Variants in UMODL1 observed in about 807,000 individuals in gnomAD.
The protein encoded by UMODL1 is uromodulin-like 1.
A neutral mutation model predicts 136.3 loss-of-function variants in UMODL1; 128 were observed. The observed-to-expected ratio is 0.94, with a 90% CI of 0.81 to 1.09. The LOEUF is 1.09. Ranked by LOEUF, UMODL1 falls within the 50% of genes least tolerant of loss-of-function variation. The pLI, the probability that UMODL1 is intolerant of heterozygous loss-of-function variation, is 0.00. For synonymous variants in UMODL1, 721 were observed against 720.0 expected (o/e 1.00, Z -0.02); for missense variants, 1,766 against 1,725.6 (o/e 1.02, Z -0.41).
Position 42,099,391 on chromosome 21 carries a change from C to G in UMODL1, c.1186+211C>G, listed in dbSNP as rs1221983208. Among the ~76,000 whole-genome samples, 1 of 152,316 alleles carries G rather than the reference C, an allele frequency of 6.6e-6. No individual in the cohort carries two copies. The highest frequency in any genetic ancestry group is 1.9e-4 in the East Asian group (1 of 5,190). ...TGCCTTCACTGGCTCCCTCGCTTCC[C>G]TACATGTCGTCCTGTTAGGGGTTCG... On this transcript the variant is annotated intron_variant, in intron 7 of 22. Transcript: ENST00000408910. The surrounding 1 kb of genome is among the most constrained non-coding windows in gnomAD (Gnocchi z 4.1).
rs372342510 is a variant in UMODL1 at position 42,090,445 on chromosome 21, G to A, written c.931+7G>A. 12 of 1,613,562 alleles carry A rather than the reference G, an allele frequency of 7.4e-6. No individual in the cohort carries two copies. Among genetic ancestry groups the A allele is most frequent in the Non-Finnish European group, 1.0e-5 (12 of 1,179,848 alleles). ...CTGAACCTGGAGTGGGAAGGTAATG[G>A]CTAGGCTCTCTCAGATGGCATGGGA... On this transcript the variant is annotated splice_region_variant and intron_variant, in intron 6 of 22. Coordinates refer to ENST00000408910, the MANE Select transcript of UMODL1 (RefSeq NM_001004416.3).
Position 42,085,173 on chromosome 21 carries a change from G to A in UMODL1, c.482-118G>A. 1 of 1,315,032 alleles carries A rather than the reference G, an allele frequency of 7.6e-7. No homozygotes were observed. The highest frequency in any genetic ancestry group is 1.0e-6 in the Non-Finnish European group (1 of 961,108). The allele number at this position is 1,315,032 out of a possible 1,614,324, so 81.5% of individuals were successfully genotyped here. A position where few individuals can be genotyped will look rare whatever the true frequency, so the allele number is the denominator to read the frequency against. On this transcript the variant is annotated intron_variant, in intron 3 of 22. Coordinates refer to ENST00000408910, the MANE Select transcript of UMODL1 (RefSeq NM_001004416.3). The surrounding 1 kb of genome is among the most constrained non-coding windows in gnomAD (Gnocchi z 4.5). ...GATGTCTTTTTGCAGGGAGGTAAAT[G>A]CAGAGCAGGGCCTCTCATGGCCTCT...
intron 11 of UMODL1, 179 bp from the exon 12 acceptor site, chr21:42,111,312 ACTCCAGCCAGGGGAG>A: frequency 2.9e-6 from 4 of 1,372,258 alleles, no homozygotes; most frequent in Non-Finnish European, 3.9e-6. Flanking sequence ...AGCCACGCGA[ACTCCAGCCAGGGGAG>A]CCCCAGCCAG....
rs1252772033 is a variant in UMODL1, at chr21:42,102,149, T to C, written c.1187-17T>C. On this transcript the variant is annotated splice_polypyrimidine_tract_variant and intron_variant, in intron 7 of 22. Transcript: ENST00000408910. ...GACTTTTGACCACAGGCTAATTTGT[T>C]TCACTGTCTGTCTCAGATGCCCAGG... The C allele has an allele frequency of 1.3e-6, 2 of 1,590,154 alleles. No individual in the cohort carries two copies. Among genetic ancestry groups the C allele is most frequent in the Non-Finnish European group, 8.6e-7 (1 of 1,160,446 alleles).
chr21:42,083,637 A>G (rs1042244307), intron 2 of UMODL1, among the ~76,000 whole-genome samples: 1 of 152,182 alleles, frequency 6.6e-6, no homozygotes, highest in South Asian at 2.1e-4. Flanking sequence ...ATCTCCTTGC[A>G]CTATTGTTCC....
chr21:42,127,298 A>T, intron 19 of UMODL1, 56 bp downstream of exon 19: 1 of 1,484,298 alleles, frequency 6.7e-7, no homozygotes, highest in Middle Eastern at 2.1e-4. Flanking sequence ...CTTTATTAAC[A>T]ATAGGTAGGG....
chr21:42,079,290 C>A (rs1176107402), intron 2 of UMODL1, among the ~76,000 whole-genome samples: 4 of 152,238 alleles, frequency 2.6e-5, no homozygotes, highest in Non-Finnish European at 5.9e-5. Context: ...CTCTCCCCAC[C>A]ACCTGCCCTG....
At chr21:42,111,241 C>T in intron 11 of UMODL1, 120 bp downstream of exon 11, 2 of 1,527,470 alleles carry the variant, frequency 1.3e-6, no homozygotes, top group Non-Finnish European at 1.8e-6. Flanking sequence ...AGGCGAGCCC[C>T]AGCCAGAGGA....
At chr21:42,077,468 A>G (rs1239798594) in intron 2 of UMODL1, among the ~76,000 whole-genome samples, 1 of 144,476 alleles carries the variant, frequency 6.9e-6, no homozygotes, top group African/African-American at 2.6e-5. Context: ...AGTTAAAACA[A>G]TTTTACAGAA....
At position 42,121,188 on chromosome 21, in the gene UMODL1, G is replaced by A. The variant is rs1317135000; in HGVS notation, c.2791G>A (p.Asp931Asn). The change falls in exon 16 of 23, where the codon GAC becomes AAC. Residue 931 changes from aspartate to asparagine, a missense_variant. Physicochemically the swap from Asp to Asn is conservative, Grantham distance 23. Transcript: ENST00000408910. ...TTGTAGCTGCGAGGGAGGAGCCCCC[G>A]ACTTCCCTGTGGAATATTCTGAGAG... The part of the protein sequence containing the change: ...FTCSCEGGAP[D>N]FPVEYSERPC... The A allele has an allele frequency of 6.2e-6, 10 of 1,613,874 alleles. No homozygotes were observed. The highest frequency in any genetic ancestry group is 3.3e-4 in the Middle Eastern group (2 of 6,072).
intron 15 of UMODL1, 139 bp downstream of exon 15, chr21:42,119,463 A>G (rs1182785342): frequency 1.4e-5 from 10 of 736,550 alleles, no homozygotes; most frequent in Non-Finnish European, 9.2e-6. Flanking sequence ...TGAAGATGTG[A>G]AATAGATAGG....
chr21:42,113,643 GGATCTTGCTAT>G lies in UMODL1; in HGVS notation c.2177_2187del (p.Asp726GlyfsTer39), dbSNP rs2066865917. ...CCGGCTTCCACCTGGCATGGGAGGC[GGATCTTGCTAT>G]GGACTCCACCTTCCAGCTCACTCTG... is the stretch of plus-strand genomic sequence containing the variant. On this transcript the variant is annotated frameshift_variant, in exon 13 of 23. Coordinates refer to ENST00000408910, the MANE Select transcript of UMODL1 (RefSeq NM_001004416.3). LOFTEE classifies it high-confidence loss of function. 6.2e-7 allele frequency: 1 copy of G among 1,613,934 alleles called. No homozygotes were observed. The highest frequency in any genetic ancestry group is 8.5e-7 in the Non-Finnish European group (1 of 1,180,030).
At chr21:42,138,410 C>T (rs575292450) in intron 22 of UMODL1, among the ~76,000 whole-genome samples, 4 of 152,200 alleles carry the variant, frequency 2.6e-5, no homozygotes, top group African/African-American at 7.2e-5. Context: ...TTATGTATGA[C>T]CTTTTGAGGC....
At chr21:42,083,977 C>T in intron 2 of UMODL1, 107 bp from the exon 3 acceptor site, 5 of 1,397,826 alleles carry the variant, frequency 3.6e-6, no homozygotes, top group Non-Finnish European at 4.9e-6. Flanking sequence ...AGGCCACAGA[C>T]CTACAGGCAG....
intron 21 of UMODL1, among the ~76,000 whole-genome samples, chr21:42,130,614 T>TATGA (rs1555933514): frequency 6.6e-6 from 1 of 151,604 alleles, no homozygotes. Flanking sequence ...AGTGTGGCCA[T>TATGA]GTAAGTTCTG....
chr21:42,110,796 C>T, intron 10 of UMODL1, 84 bp from the exon 11 acceptor site: 1 of 1,339,374 alleles, frequency 7.5e-7, no homozygotes. Context: ...AGCAGTCCTG[C>T]TGGACGGCCA....
At chr21:42,135,896 C>A (rs1204502582) in intron 21 of UMODL1, among the ~76,000 whole-genome samples, 4 of 152,160 alleles carry the variant, frequency 2.6e-5, no homozygotes, top group Non-Finnish European at 5.9e-5. Context: ...GGACACACAG[C>A]AGCGTCCACT....
chr21:42,095,087 C>CTTTTTTTTTTTTTTTTTTTT (rs1569151178), intron 6 of UMODL1, among the ~76,000 whole-genome samples: 1 of 34,048 alleles, frequency 2.9e-5, no homozygotes, highest in Non-Finnish European at 7.2e-5. Flanking sequence ...TTTTCTTCTG[C>CTTTTTTTTTTTTTTTTTTTT]TGTTTTTTTT....
At chr21:42,104,521 C>T (rs1440717619) in intron 9 of UMODL1, among the ~76,000 whole-genome samples, 1 of 151,670 alleles carries the variant, frequency 6.6e-6, no homozygotes, top group East Asian at 1.9e-4. Context: ...ACGATCTTGG[C>T]TCACTGCAAC....
Sources: gnomAD v4.1 joint callset for allele counts (sites outside exome capture counted in the v4.1 genomes callset) on GRCh38, gnomAD v4.1.1 for gene constraint, Gnocchi (gnomAD v3.1) non-coding constraint, MANE v1.5 for transcripts, NCBI Gene and HGNC (gene_info 2026-07-23, HGNC 2026-07-21) for gene names.